The following TNFRSF13B variants were observed in gnomAD, a reference collection of about 807,000 sequenced individuals.
TNFRSF13B encodes TNF receptor superfamily member 13B.
In TNFRSF13B, 34 loss-of-function variants were observed where a neutral mutation model predicts 24.0. The ratio of observed to expected loss-of-function variants is 1.41; its 90% CI spans 1.08 to 1.88. The LOEUF (loss-of-function observed/expected upper bound fraction) is 1.88, where lower values mean the gene tolerates loss of function less well. Among genes scored for constraint, TNFRSF13B ranks in the 40% most tolerant of loss-of-function variants. The pLI, the probability that TNFRSF13B is intolerant of heterozygous loss-of-function variation, is 0.00. For missense variants in TNFRSF13B, 415 were observed against 380.8 expected, an observed-to-expected ratio of 1.09 and a Z score of -0.75; for synonymous variants, 173 against 150.3, an observed-to-expected ratio of 1.15 and a Z score of -1.10.
chr17:16,961,287 T>C (rs2087660661), intron 1 of TNFRSF13B, among the ~76,000 whole-genome samples: 1 of 152,202 alleles, frequency 6.6e-6, no homozygotes, highest in Non-Finnish European at 1.5e-5. Flanking sequence ...AACAGATACT[T>C]GTGCCCCAAC....
In TNFRSF13B at chr17:16,939,405, C is replaced by G. The variant is rs989595928; in HGVS notation, c.*142G>C. On this transcript the variant is annotated 3_prime_UTR_variant, in exon 5 of 5. Coordinates refer to ENST00000261652, the MANE Select transcript of TNFRSF13B (RefSeq NM_012452.3). ...TCTCTCTCTCCCTCTGTCTCTCTCT[C>G]CCTCTCTGTCTCCTCTGTTTCTCTC... The G allele has an allele frequency of 9.9e-6, 10 of 1,008,926 alleles. No homozygotes were observed. Among genetic ancestry groups the G allele is most frequent in the Non-Finnish European group, 1.1e-5 (8 of 710,742 alleles). 62.5% of individuals were successfully genotyped at this position (1,008,926 alleles called of 1,614,324 possible).
At chr17:16,941,388 A>G (rs2087509088) in intron 3 of TNFRSF13B, 2 of 987,544 alleles carry the variant, frequency 2.0e-6, no homozygotes, top group East Asian at 1.1e-4. Context: ...TGCCAGAGAC[A>G]GACTCAGCCC....
chr17:16,953,139 C>T (rs993058347), intron 1 of TNFRSF13B, among the ~76,000 whole-genome samples: 7 of 152,208 alleles, frequency 4.6e-5, no homozygotes, highest in Non-Finnish European at 1.0e-4. Flanking sequence ...CTGGCTCCTA[C>T]ACTAACTGTG....
At chr17:16,959,993 T>G (rs2087650698) in intron 1 of TNFRSF13B, among the ~76,000 whole-genome samples, 1 of 152,096 alleles carries the variant, frequency 6.6e-6, no homozygotes, top group South Asian at 2.1e-4. Context: ...TAATACAAAA[T>G]TACAATAAAG....
chr17:16,952,474 C>G lies in TNFRSF13B; in HGVS notation c.171G>C (p.Gln57His), dbSNP rs149084717. The change falls in exon 2 of 5, where the codon CAG becomes CAC. Residue 57 changes from glutamine to histidine, a missense_variant. Transcript: ENST00000261652. ...AGAAGGCTGCACAGGTGCGCTGGCT[C>G]TGATGGTTGCAAATGGTTTTGCAGG... ...CMSCKTICNH[Q>H]SQRTCAAFCR... 378 of 1,614,172 alleles carry G rather than the reference C, an allele frequency of 2.3e-4. 2 individuals carry two copies. The highest frequency in any genetic ancestry group is 1.2e-3 in the Middle Eastern group (7 of 6,060).
At chr17:16,953,671 A>C (rs1186933426) in intron 1 of TNFRSF13B, among the ~76,000 whole-genome samples, 1 of 152,156 alleles carries the variant, frequency 6.6e-6, no homozygotes, top group African/African-American at 2.4e-5. Context: ...CACTGTGTGC[A>C]TGCATCACCT....
chr17:16,944,073 A>C (rs1010241583), intron 3 of TNFRSF13B, among the ~76,000 whole-genome samples: 1 of 152,116 alleles, frequency 6.6e-6, no homozygotes, highest in South Asian at 2.1e-4. Flanking sequence ...TCTCTTGGTG[A>C]GCATGTGGAG....
chr17:16,948,994 G>C lies in TNFRSF13B; in HGVS notation c.200-11C>G, dbSNP rs1355330590. The C allele has an allele frequency of 1.2e-6, 2 of 1,613,862 alleles. No homozygotes were observed. Among genetic ancestry groups the C allele is most frequent in the Admixed American group, 3.3e-5 (2 of 60,002 alleles). On this transcript the variant is annotated splice_polypyrimidine_tract_variant and intron_variant, in intron 2 of 4. Coordinates refer to ENST00000261652, the MANE Select transcript of TNFRSF13B (RefSeq NM_012452.3). ...GGCAGCTGAGTGACCCTGGGAGAGA[G>C]AAATTCATGATACTGCTGGGTGACA...
Position 16,939,637 on chromosome 17 carries a change from C to T in TNFRSF13B, c.792G>A (p.Arg264=). 6.2e-7 allele frequency: 1 copy of T among 1,612,984 alleles called. No homozygotes were observed. The highest frequency in any genetic ancestry group is 1.7e-5 in the Admixed American group (1 of 59,922). Residue 264 remains arginine (R), a synonymous_variant, in exon 5 of 5, where the codon AGG becomes AGA. Coordinates refer to ENST00000261652, the MANE Select transcript of TNFRSF13B (RefSeq NM_012452.3). ...GTGGGCAAGGCTGCAGGACTGTGGTCCTGGTGTGGCACCCCCACCTTCCAG... is the reference window on the plus strand; with the variant it reads ...GTGGGCAAGGCTGCAGGACTGTGGTTCTGGTGTGGCACCCCCACCTTCCAG... ...TCAGRWGCHT[R]TTVLQPCPHI... is the part of the protein sequence containing the mutation.
chr17:16,944,891 G>A (rs778167512), intron 3 of TNFRSF13B, among the ~76,000 whole-genome samples: 1 of 152,176 alleles, frequency 6.6e-6, no homozygotes, highest in African/African-American at 2.4e-5. Flanking sequence ...ACCGTGTGCA[G>A]CTGGACAACT....
At chr17:16,964,509 A>C (rs1388093835) in intron 1 of TNFRSF13B, among the ~76,000 whole-genome samples, 1 of 151,514 alleles carries the variant, frequency 6.6e-6, no homozygotes, top group East Asian at 1.9e-4. Context: ...CACCCGGCTA[A>C]TTTTTGTATT....
At chr17:16,962,983 G>C (rs368583207) in intron 1 of TNFRSF13B, among the ~76,000 whole-genome samples, 15 of 152,322 alleles carry the variant, frequency 9.8e-5, no homozygotes, top group African/African-American at 3.6e-4. Flanking sequence ...GAGTGGACCA[G>C]ATTCTGAGCC....
chr17:16,944,443 G>T (rs1016426856), intron 3 of TNFRSF13B, among the ~76,000 whole-genome samples: 2 of 152,164 alleles, frequency 1.3e-5, no homozygotes, highest in African/African-American at 4.8e-5. Context: ...GCTCAGAGAG[G>T]GTCGGTAGCT....
At chr17:16,964,893 G>C (rs1165224839) in intron 1 of TNFRSF13B, among the ~76,000 whole-genome samples, 1 of 152,054 alleles carries the variant, frequency 6.6e-6, no homozygotes, top group Non-Finnish European at 1.5e-5. Flanking sequence ...CACAACCTCA[G>C]TTTTCCTGAC....
chr17:16,965,550 C>G (rs572717927), intron 1 of TNFRSF13B, among the ~76,000 whole-genome samples: 4 of 152,294 alleles, frequency 2.6e-5, no homozygotes, highest in Non-Finnish European at 1.5e-5. Context: ...AAAAGCAAGC[C>G]GCATTCTTGC....
chr17:16,945,482 C>T (rs2087541364), intron 3 of TNFRSF13B, among the ~76,000 whole-genome samples: 3 of 152,268 alleles, frequency 2.0e-5, no homozygotes. Context: ...CCCTGTGTGA[C>T]TGTCAGCAAG....
chr17:16,942,516 C>G (rs28599508), intron 3 of TNFRSF13B, among the ~76,000 whole-genome samples: 1 of 152,150 alleles, frequency 6.6e-6, no homozygotes, highest in South Asian at 2.1e-4. Context: ...GTGCCCAGAG[C>G]TCAGAGAGGC....
intron 1 of TNFRSF13B, among the ~76,000 whole-genome samples, chr17:16,968,009 C>CG (rs2087716769): frequency 6.7e-6 from 1 of 149,236 alleles, no homozygotes; most frequent in Non-Finnish European, 1.5e-5. Context: ...GGTGTGGTGG[C>CG]GGATGCCTGT....
Position 16,948,813 on chromosome 17 carries a change from C to T in TNFRSF13B, c.370G>A (p.Gly124Arg). The T allele has an allele frequency of 6.2e-7, 1 of 1,614,224 alleles. No homozygotes were observed. Among genetic ancestry groups the T allele is most frequent in the Non-Finnish European group, 8.5e-7 (1 of 1,180,034 alleles). The change falls in exon 3 of 5, where the codon GGA becomes AGA. Residue 124 changes from glycine to arginine, a missense_variant. Transcript: ENST00000261652. ...TTGTCTGAATTGTTTTCAACTTCTC[C>T]ACTCCGCTGTCTCCTGAGCTCTGGT... ...LPPELRRQRS[G>R]EVENNSDNSG...
Sources: gnomAD v4.1 joint callset for allele counts (sites outside exome capture counted in the v4.1 genomes callset) on GRCh38, gnomAD v4.1.1 for gene constraint, MANE v1.5 for transcripts, NCBI Gene and HGNC (gene_info 2026-07-23, HGNC 2026-07-21) for gene names.